Variants in EPM2A observed in about 807,000 individuals in gnomAD.
EPM2A encodes the protein EPM2A glucan phosphatase, laforin, also known as laforin.
EPM2A carries 21 observed loss-of-function variants against 26.5 expected under a neutral mutation model. The ratio of observed to expected loss-of-function variants is 0.79; its 90% CI spans 0.56 to 1.14. The LOEUF (loss-of-function observed/expected upper bound fraction) is 1.14, where lower values mean the gene tolerates loss of function less well. Ranked by LOEUF, EPM2A falls within the 50% of genes most tolerant of loss-of-function variation. The pLI is 0.00. For synonymous variants in EPM2A, 217 were observed against 177.6 expected, an observed-to-expected ratio of 1.22 and a Z score of -1.76; for missense variants, 458 against 440.8, an observed-to-expected ratio of 1.04 and a Z score of -0.35.
chr6:145,469,696 T>C (rs1011360287), intron 4 of EPM2A, among the ~76,000 whole-genome samples: 3 of 152,058 alleles, frequency 2.0e-5, no homozygotes, highest in Admixed American at 2.0e-4. Context: ...AGCAAATCAG[T>C]ATATTGAAGA....
chr6:145,389,377 A>T (rs1778307609), intron 4 of EPM2A, among the ~76,000 whole-genome samples: 1 of 151,976 alleles, frequency 6.6e-6, no homozygotes, highest in South Asian at 2.1e-4. Flanking sequence ...TTTTTAGTAG[A>T]GACGGGGTTT....
chr6:145,520,140 T>A (rs1039045165), intron 2 of EPM2A, among the ~76,000 whole-genome samples: 1 of 152,222 alleles, frequency 6.6e-6, no homozygotes, highest in East Asian at 1.9e-4. Flanking sequence ...GGCTCATCCA[T>A]CTTTTGTGAA....
At chr6:145,547,947 T>C (rs142213481) in intron 2 of EPM2A, among the ~76,000 whole-genome samples, 27 of 152,184 alleles carry the variant, frequency 1.8e-4, no homozygotes, top group African/African-American at 6.0e-4. Context: ...ACTTATTTTA[T>C]AAATCCTAGT....
rs1005775521 is a variant in EPM2A, at chr6:145,440,475, C to T, written c.556-56378G>A. 3.3e-4 allele frequency among the ~76,000 whole-genome samples: 51 copies of T among 152,314 alleles called. 2 individuals carry two copies. The highest frequency in any genetic ancestry group is 3.3e-3 in the Admixed American group (51 of 15,310). On this transcript the variant is annotated intron_variant, in intron 4 of 4. Transcript: ENST00000638717. ...CATGTTCTCACATTTCAAAACCAGT[C>T]ATGCCTTCCCAATAGTCCCCAAAGT... is the stretch of plus-strand genomic sequence containing the variant.
chr6:145,695,852 T>C (rs1369050806), intron 1 of EPM2A, among the ~76,000 whole-genome samples: 3 of 152,054 alleles, frequency 2.0e-5, no homozygotes, highest in African/African-American at 7.2e-5. Flanking sequence ...GGGACTTTAA[T>C]ACTCCACTTT....
chr6:145,638,875 G>A (rs527306018), intron 2 of EPM2A: 16 of 152,126 alleles, frequency 1.1e-4, no homozygotes, highest in Non-Finnish European at 2.2e-4. Flanking sequence ...GATTCACTGG[G>A]GGTAACAAGA....
intron 2 of EPM2A, among the ~76,000 whole-genome samples, chr6:145,529,121 C>CA (rs1038511104): frequency 7.2e-6 from 1 of 138,514 alleles, no homozygotes; most frequent in Non-Finnish European, 1.6e-5. Context: ...TATGGATAAG[C>CA]AAAAAAAGTA....
chr6:145,724,872 T>C (rs971256354), intron 1 of EPM2A, among the ~76,000 whole-genome samples: 1 of 151,966 alleles, frequency 6.6e-6, no homozygotes, highest in East Asian at 1.9e-4. Flanking sequence ...AATATATACA[T>C]ATGTAAAAAC....
intron 4 of EPM2A, among the ~76,000 whole-genome samples, chr6:145,478,322 G>T (rs1373875333): frequency 1.3e-5 from 2 of 151,870 alleles, no homozygotes; most frequent in Non-Finnish European, 2.9e-5. Context: ...TAGATGGGAA[G>T]AATCAATATT....
At chr6:145,386,780 A>T (rs1778267688) in intron 4 of EPM2A, among the ~76,000 whole-genome samples, 1 of 152,192 alleles carries the variant, frequency 6.6e-6, no homozygotes, top group Non-Finnish European at 1.5e-5. Flanking sequence ...GAAACCAGGG[A>T]TATGAGCCAG....
intron 2 of EPM2A, among the ~76,000 whole-genome samples, chr6:145,684,587 T>A (rs1203288693): frequency 1.3e-5 from 2 of 152,224 alleles, no homozygotes; most frequent in African/African-American, 2.4e-5. Context: ...TATTGTCTCA[T>A]CTAGACTCAA....
chr6:145,552,817 C>A (rs549047619), intron 2 of EPM2A, among the ~76,000 whole-genome samples: 1 of 152,096 alleles, frequency 6.6e-6, no homozygotes, highest in South Asian at 2.1e-4. Context: ...TTTTTCTAGT[C>A]CAGCAAACAT....
At chr6:145,666,705 A>G (rs949826445) in intron 2 of EPM2A, among the ~76,000 whole-genome samples, 4 of 144,764 alleles carry the variant, frequency 2.8e-5, no homozygotes, top group African/African-American at 5.3e-5. Flanking sequence ...CGCATCGCCA[A>G]GTCAATCCTA....
intron 2 of EPM2A, among the ~76,000 whole-genome samples, chr6:145,584,458 C>T (rs189498519): frequency 4.4e-4 from 67 of 152,288 alleles, no homozygotes; most frequent in Admixed American, 1.4e-3. Flanking sequence ...CAAAGGCTAA[C>T]GCCACATAGG....
intron 2 of EPM2A, 48 bp from the exon 3 acceptor site, chr6:145,635,534 G>C: frequency 1.3e-6 from 2 of 1,587,634 alleles, no homozygotes; most frequent in Non-Finnish European, 1.7e-6. Context: ...GTTCTGATTT[G>C]AGGTTTAAGG....
chr6:145,699,249 G>A (rs889752556), intron 1 of EPM2A, among the ~76,000 whole-genome samples: 3 of 152,064 alleles, frequency 2.0e-5, no homozygotes, highest in Admixed American at 6.6e-5. Flanking sequence ...TGAGTGAAAC[G>A]AAACTAAATT....
chr6:145,427,258 C>T (rs539160487), intron 4 of EPM2A, among the ~76,000 whole-genome samples: 1 of 152,194 alleles, frequency 6.6e-6, no homozygotes, highest in South Asian at 2.1e-4. Context: ...TGGAATTGGG[C>T]ATGTGGAGTC....
chr6:145,388,190 A>G (rs1305358505), intron 4 of EPM2A, among the ~76,000 whole-genome samples: 1 of 151,242 alleles, frequency 6.6e-6, no homozygotes, highest in Non-Finnish European at 1.5e-5. Context: ...TGTTCTCTTT[A>G]TTTCTCTTCT....
intron 4 of EPM2A, among the ~76,000 whole-genome samples, chr6:145,425,814 T>C (rs1332900477): frequency 6.6e-6 from 1 of 152,138 alleles, no homozygotes; most frequent in Admixed American, 6.5e-5. Flanking sequence ...TGTTGTCTTA[T>C]TTCTGTCCAG....
Sources: gnomAD v4.1 joint callset for allele counts (sites outside exome capture counted in the v4.1 genomes callset) on GRCh38, gnomAD v4.1.1 for gene constraint, MANE v1.5 for transcripts, NCBI Gene and HGNC (gene_info 2026-07-23, HGNC 2026-07-21) for gene names.